ERVW-1: variants seen among roughly 807,000 people sequenced by gnomAD.
ERVW-1 encodes the protein syncytin-1.
In ERVW-1, 21 loss-of-function variants were observed where a neutral mutation model predicts 16.6. That is an observed-to-expected ratio of 1.26 (90% CI 0.90 to 1.82). ERVW-1 has a LOEUF of 1.82. ERVW-1 is among the 40% of genes most tolerant of loss of function. The pLI, the probability that ERVW-1 is intolerant of heterozygous loss-of-function variation, is 0.00. For synonymous variants in ERVW-1, 161 were observed against 109.8 expected (o/e 1.47, Z -2.92); for missense variants, 412 against 300.2 (o/e 1.37, Z -2.75).
rs1393583766 is a variant in ERVW-1 at position 92,468,436 on chromosome 7, G to C, written c.*329C>G. 5.0e-6 allele frequency: 1 copy of C among 201,176 alleles called. No individual in the cohort carries two copies. Among genetic ancestry groups the C allele is most frequent in the Non-Finnish European group, 1.0e-5 (1 of 99,998 alleles). 12.5% of individuals were successfully genotyped at this position (201,176 alleles called of 1,614,324 possible). On this transcript the variant is annotated 3_prime_UTR_variant, in exon 2 of 2. Transcript: ENST00000603053. The stretch of plus-strand genomic sequence containing the variant: ...CATGAAAACAGAGCTCCCATACAAA[G>C]GGAGGGGACCCAAAGGGGGTTGCCG...
At position 92,477,743 on chromosome 7, in the gene ERVW-1, A is replaced by G. The variant is rs542139462; in HGVS notation, c.-589T>C. 1.1e-5 allele frequency: 2 copies of G among 178,178 alleles called. No individual in the cohort carries two copies. Among genetic ancestry groups the G allele is most frequent in the East Asian group, 1.6e-4 (1 of 6,168 alleles). The allele number at this position is 178,178 out of a possible 1,614,324, so 11.0% of individuals were successfully genotyped here. A position where few individuals can be genotyped will look rare whatever the true frequency, so the allele number is the denominator to read the frequency against. ...GGGCGCCTCGCTGGATCAGGAGCAC[A>G]GCGGACACCCTGCAGGATCCAGAGG... On this transcript the variant is annotated 5_prime_UTR_variant, in exon 1 of 2. Coordinates refer to ENST00000603053, the MANE Select transcript of ERVW-1 (RefSeq NM_001130925.2).
At position 92,468,523 on chromosome 7, in the gene ERVW-1, C is replaced by T. The variant is rs1326854778; in HGVS notation, c.*242G>A. On this transcript the variant is annotated 3_prime_UTR_variant, in exon 2 of 2. Transcript: ENST00000603053. Reference sequence around the variant, plus strand: ...TTGTCCCTCCTGCTGTGCTCTCAGGCAATAGATGATTGGCTATTTCTTTAC... The same window carrying T: ...TTGTCCCTCCTGCTGTGCTCTCAGGTAATAGATGATTGGCTATTTCTTTAC... 2.7e-6 allele frequency: 1 copy of T among 366,826 alleles called. No homozygotes were observed. 22.7% of individuals were successfully genotyped at this position (366,826 alleles called of 1,614,324 possible).
At chr7:92,470,999 T>C (rs1321850742) in intron 1 of ERVW-1, 4 of 167,120 alleles carry the variant, frequency 2.4e-5, no homozygotes, top group Non-Finnish European at 2.9e-5. Context: ...GTAAGTGATA[T>C]CGTATACCTA....
chr7:92,470,052 G>A lies in ERVW-1; in HGVS notation c.330C>T (p.Thr110=), dbSNP rs747118389. 5 of 778,696 alleles carry A rather than the reference G, an allele frequency of 6.4e-6. No homozygotes were observed. The highest frequency in any genetic ancestry group is 5.4e-5 in the South Asian group (4 of 74,522). The allele number at this position is 778,696 out of a possible 1,614,324, so 48.2% of individuals were successfully genotyped here. The change falls in exon 2 of 2, where the codon ACC becomes ACT. Residue 110 remains threonine, a synonymous_variant. Coordinates refer to ENST00000603053, the MANE Select transcript of ERVW-1 (RefSeq NM_001130925.2). ...LGVTVCWTYF[T]QTGMSDGGGV... Reference sequence around the variant, plus strand: ...CACCCCCATCAGACATACCAGTTTGGGTGAAGTAAGTCCAACAGACAGTGA... The same window carrying A: ...CACCCCCATCAGACATACCAGTTTGAGTGAAGTAAGTCCAACAGACAGTGA...
chr7:92,475,459 T>G (rs1055008653), intron 1 of ERVW-1, among the ~76,000 whole-genome samples: 3 of 152,194 alleles, frequency 2.0e-5, no homozygotes, highest in African/African-American at 4.8e-5. Context: ...CTCACTGATG[T>G]TGCAGTCCTG....
rs143659500 is a variant in ERVW-1 at position 92,469,342 on chromosome 7, T to C, written c.1040A>G (p.Tyr347Cys). ...IGGITTSTQF[Y>C]YKLSQELNGD... is the part of the protein sequence containing the mutation. ...ATTTAGTTCTTGAGATAGTTTGTAG[T>C]AGAACTGAGTAGAGGTTGTGATACC... Residue 347 changes from tyrosine to cysteine, a missense_variant, in exon 2 of 2, where the codon TAC becomes TGC. Coordinates refer to ENST00000603053, the MANE Select transcript of ERVW-1 (RefSeq NM_001130925.2). The C allele has an allele frequency of 5.2e-6, 4 of 765,080 alleles. No individual in the cohort carries two copies. The African/African-American group carries it at 6.8e-5, about 13-fold the overall frequency. The allele number at this position is 765,080 out of a possible 1,614,324, so 47.4% of individuals were successfully genotyped here. A position where few individuals can be genotyped will look rare whatever the true frequency, so the allele number is the denominator to read the frequency against.
rs1790309420 is a variant in ERVW-1 at position 92,470,605 on chromosome 7, G to GT, written c.-225dup. ...GACTGGGTAGGGTCCTTCCCAGGAT[G>GT]TATCTAGGGATGGGGAATTAGAGGG... is the stretch of plus-strand genomic sequence containing the variant. On this transcript the variant is annotated 5_prime_UTR_variant, in exon 2 of 2. Transcript: ENST00000603053. The GT allele has an allele frequency of 2.1e-6, 1 of 470,810 alleles. No homozygotes were observed. The highest frequency in any genetic ancestry group is 2.0e-5 in the African/African-American group (1 of 50,230). The allele number at this position is 470,810 out of a possible 1,614,324, so 29.2% of individuals were successfully genotyped here. A position where few individuals can be genotyped will look rare whatever the true frequency, so the allele number is the denominator to read the frequency against.
At position 92,469,441 on chromosome 7, in the gene ERVW-1, C is replaced by A; in HGVS notation, c.941G>T (p.Arg314Leu). Residue 314 changes from arginine (R) to leucine (L), a missense_variant, in exon 2 of 2, where the codon CGC becomes CTC. Coordinates refer to ENST00000603053, the MANE Select transcript of ERVW-1 (RefSeq NM_001130925.2). ...AGGAAGAATGGGTACTCTTTTGTTG[C>A]GGGGCTTAGATATGACATAACTGTA... ...DLYSYVISKP[R>L]NKRVPILPFV... 1 of 761,508 alleles carries A rather than the reference C, an allele frequency of 1.3e-6. No individual in the cohort carries two copies. The highest frequency in any genetic ancestry group is 2.4e-6 in the Non-Finnish European group (1 of 412,362). 47.2% of individuals were successfully genotyped at this position (761,508 alleles called of 1,614,324 possible).
At chr7:92,471,685 C>T (rs1037612799) in intron 1 of ERVW-1, 1 of 152,162 alleles carries the variant, frequency 6.6e-6, no homozygotes, top group Admixed American at 6.5e-5. Context: ...TCTTCTATTT[C>T]CCTTTCCTTT....
chr7:92,468,892 A>G lies in ERVW-1; in HGVS notation c.1490T>C (p.Ile497Thr), dbSNP rs768708733. Residue 497 changes from isoleucine to threonine, a missense_variant, in exon 2 of 2, where the codon ATC (isoleucine) becomes ACC (threonine). Ile to Thr is a moderately conservative substitution (Grantham distance 89). Coordinates refer to ENST00000603053, the MANE Select transcript of ERVW-1 (RefSeq NM_001130925.2). ...MEPKMQSKTK[I>T]YRRPLDRPAS... ...AGGCCGGTCCAGGGGTCTGCGGTAG[A>G]TCTTAGTCTTGGACTGCATCTTGGG... The G allele has an allele frequency of 5.6e-5, 43 of 764,196 alleles. No homozygotes were observed. Among genetic ancestry groups the G allele is most frequent in the Non-Finnish European group, 8.1e-5 (34 of 417,876 alleles). The allele number at this position is 764,196 out of a possible 1,614,324, so 47.3% of individuals were successfully genotyped here.
Position 92,470,410 on chromosome 7 carries a change from C to T in ERVW-1, c.-29G>A, listed in dbSNP as rs779248211. 1.3e-5 allele frequency: 9 copies of T among 667,016 alleles called. No homozygotes were observed. The highest frequency in any genetic ancestry group is 2.2e-5 in the Non-Finnish European group (8 of 364,980). The allele number at this position is 667,016 out of a possible 1,614,324, so 41.3% of individuals were successfully genotyped here. On this transcript the variant is annotated 5_prime_UTR_variant, in exon 2 of 2. Transcript: ENST00000603053. ...GATTTATGATTTTAGTTACTTTCCT[C>T]CTGGTTGTTGTTTGAAGAGCAGGCG...
rs1562829886 is a variant in ERVW-1, at chr7:92,469,750, G to C, written c.632C>G (p.Thr211Arg). ...TAAAACGGAAGTGGTGTTTATTTCT[G>C]TGCTGAAGTTGTTCCATTGTTCAGG... ...PVPEQWNNFSTEINTTSVLVG... is the reference protein window; with the variant it reads ...PVPEQWNNFSREINTTSVLVG... The change falls in exon 2 of 2, where the codon ACA becomes AGA. Residue 211 changes from threonine (T) to arginine (R), a missense_variant. Coordinates refer to ENST00000603053, the MANE Select transcript of ERVW-1 (RefSeq NM_001130925.2). The C allele has an allele frequency of 2.6e-6, 2 of 763,992 alleles. No homozygotes were observed. Among genetic ancestry groups the C allele is most frequent in the African/African-American group, 1.7e-5 (1 of 59,070 alleles). The allele number at this position is 763,992 out of a possible 1,614,324, so 47.3% of individuals were successfully genotyped here. A position where few individuals can be genotyped will look rare whatever the true frequency, so the allele number is the denominator to read the frequency against.
rs1313081739 is a variant in ERVW-1 at position 92,468,844 on chromosome 7, T to C, written c.1538A>G (p.Asn513Ser). Residue 513 changes from asparagine to serine, a missense_variant, in exon 2 of 2, where the codon AAT becomes AGT. Physicochemically the swap from Asn to Ser is conservative, Grantham distance 46 (BLOSUM62 1). Transcript: ENST00000603053. ...CTCAGGAGGGGTGCCTTTGATGTCA[T>C]TAACATCAGATCGTGGGCTAGCAGG... ...DRPASPRSDV[N>S]DIKGTPPEEI... is the part of the protein sequence containing the mutation. 1.3e-6 allele frequency: 1 copy of C among 764,538 alleles called. No homozygotes were observed. Among genetic ancestry groups the C allele is most frequent in the Non-Finnish European group, 2.4e-6 (1 of 417,864 alleles). 47.4% of individuals were successfully genotyped at this position (764,538 alleles called of 1,614,324 possible). A position where few individuals can be genotyped will look rare whatever the true frequency, so the allele number is the denominator to read the frequency against.
rs1332805227 is a variant in ERVW-1 at position 92,469,246 on chromosome 7, A to T, written c.1136T>A (p.Val379Asp). 7.9e-6 allele frequency: 6 copies of T among 764,008 alleles called. No individual in the cohort carries two copies. Among genetic ancestry groups the T allele is most frequent in the Non-Finnish European group, 1.4e-5 (6 of 417,658 alleles). 47.3% of individuals were successfully genotyped at this position (764,008 alleles called of 1,614,324 possible). A position where few individuals can be genotyped will look rare whatever the true frequency, so the allele number is the denominator to read the frequency against. Residue 379 changes from valine to aspartate, a missense_variant, in exon 2 of 2, where the codon GTC (valine) becomes GAC (aspartate). Val to Asp is a radical substitution (Grantham distance 152). Transcript: ENST00000603053. Reference sequence around the variant, plus strand: ...GTCTAAAGCTCTTCGATTTTGAAGGACTACTGCTGCTAGGGAGTTAAGTTG... The same window carrying T: ...GTCTAAAGCTCTTCGATTTTGAAGGTCTACTGCTGCTAGGGAGTTAAGTTG... ...QDQLNSLAAV[V>D]LQNRRALDLL...
chr7:92,476,591 CTT>C (rs1167368723), intron 1 of ERVW-1, among the ~76,000 whole-genome samples: 1 of 152,100 alleles, frequency 6.6e-6, no homozygotes, highest in Admixed American at 6.5e-5. Flanking sequence ...TTCTTTCTCT[CTT>C]TGACTCTCTC....
rs1790246862 is a variant in ERVW-1 at position 92,469,732 on chromosome 7, G to A, written c.650C>T (p.Ser217Phe). Residue 217 changes from serine (S) to phenylalanine (F), a missense_variant, in exon 2 of 2, where the codon TCC (serine) becomes TTC (phenylalanine). By Grantham distance (155) the Ser-to-Phe change is radical. Coordinates refer to ENST00000603053, the MANE Select transcript of ERVW-1 (RefSeq NM_001130925.2). ...NNFSTEINTT[S>F]VLVGPLVSNL... Reference sequence around the variant, plus strand: ...GGAAACAAGAGGTCCTACTAAAACGGAAGTGGTGTTTATTTCTGTGCTGAA... The same window carrying A: ...GGAAACAAGAGGTCCTACTAAAACGAAAGTGGTGTTTATTTCTGTGCTGAA... The A allele has an allele frequency of 1.3e-6, 1 of 764,168 alleles. No homozygotes were observed. 47.3% of individuals were successfully genotyped at this position (764,168 alleles called of 1,614,324 possible). A position where few individuals can be genotyped will look rare whatever the true frequency, so the allele number is the denominator to read the frequency against.
intron 1 of ERVW-1, chr7:92,471,106 G>A (rs1790331973): frequency 6.0e-6 from 1 of 166,540 alleles, no homozygotes; most frequent in South Asian, 2.1e-4. Flanking sequence ...ATTATTTCAT[G>A]AACTAGTGCC....
chr7:92,469,224 T>C lies in ERVW-1; in HGVS notation c.1158A>G (p.Leu386=). 1 of 761,908 alleles carries C rather than the reference T, an allele frequency of 1.3e-6. No individual in the cohort carries two copies. The highest frequency in any genetic ancestry group is 3.6e-4 in the Middle Eastern group (1 of 2,806). The allele number at this position is 761,908 out of a possible 1,614,324, so 47.2% of individuals were successfully genotyped here. A position where few individuals can be genotyped will look rare whatever the true frequency, so the allele number is the denominator to read the frequency against. ...CCCCTCTTTCAGCGGTTAGCAAGTCTAAAGCTCTTCGATTTTGAAGGACTA... is the reference window on the plus strand; with the variant it reads ...CCCCTCTTTCAGCGGTTAGCAAGTCCAAAGCTCTTCGATTTTGAAGGACTA... ...AAVVLQNRRA[L]DLLTAERGGT... The change falls in exon 2 of 2, where the codon TTA becomes TTG. Residue 386 remains leucine, a synonymous_variant. Transcript: ENST00000603053.
At chr7:92,476,001 C>T (rs183604047) in intron 1 of ERVW-1, among the ~76,000 whole-genome samples, 7 of 152,316 alleles carry the variant, frequency 4.6e-5, no homozygotes, top group Admixed American at 4.6e-4. Context: ...ACAAGAGTCC[C>T]CGTATCAATT....
Sources: gnomAD v4.1 joint callset for allele counts (sites outside exome capture counted in the v4.1 genomes callset) on GRCh38, gnomAD v4.1.1 for gene constraint, MANE v1.5 for transcripts, NCBI Gene and HGNC (gene_info 2026-07-23, HGNC 2026-07-21) for gene names.